REV3L: variants seen among roughly 807,000 people sequenced by gnomAD.
REV3L encodes DNA polymerase zeta catalytic subunit.
A neutral mutation model predicts 299.4 loss-of-function variants in REV3L; 69 were observed. That is an observed-to-expected ratio of 0.23 (90% CI 0.19 to 0.28). The LOEUF (loss-of-function observed/expected upper bound fraction) is 0.28, where lower values mean the gene tolerates loss of function less well. Among genes scored for constraint, REV3L ranks in the 10% least tolerant of loss-of-function variants. The probability of loss-of-function intolerance (pLI) is 1.00; values close to 1 mark genes in which losing one functional copy is unlikely to be tolerated. For missense variants in REV3L, 3,128 were observed against 3,693.8 expected (o/e 0.85, Z 3.97); for synonymous variants, 1,238 against 1,271.4 (o/e 0.97, Z 0.56).
intron 1 of REV3L, among the ~76,000 whole-genome samples, chr6:111,462,801 A>T (rs984190638): frequency 1.3e-5 from 2 of 152,192 alleles, no homozygotes; most frequent in Non-Finnish European, 2.9e-5. Flanking sequence ...ACGAATAAAT[A>T]GTAAATATAG....
At chr6:111,439,374 G>A (rs949630246) in intron 1 of REV3L, among the ~76,000 whole-genome samples, 3 of 152,204 alleles carry the variant, frequency 2.0e-5, no homozygotes, top group Non-Finnish European at 4.4e-5. Flanking sequence ...GTGCAAGGGG[G>A]ACAAGAGGCT....
chr6:111,322,766 A>C (rs1774326524), intron 25 of REV3L, 88 bp from the exon 26 acceptor site: 1 of 882,732 alleles, frequency 1.1e-6, no homozygotes, highest in Non-Finnish European at 1.8e-6. Flanking sequence ...TTAATTACTA[A>C]ATATTTCCAG....
At chr6:111,377,558 A>G in intron 12 of REV3L, 143 bp downstream of exon 12, 1 of 823,020 alleles carries the variant, frequency 1.2e-6, no homozygotes. Context: ...GCTGGTCTCG[A>G]ACTCCTGAAT....
rs756882111 is a variant in REV3L at position 111,374,008 on chromosome 6, T to C, written c.4347A>G (p.Ser1449=). ...SETCSPGNTA[S]EESQMPNNCF... ...AATTATTAGGCATTTGGCTTTCCTCTGAAGCTGTATTTCCCGGAGAACAAG... is the reference window on the plus strand; with the variant it reads ...AATTATTAGGCATTTGGCTTTCCTCCGAAGCTGTATTTCCCGGAGAACAAG... Residue 1449 remains serine (S), a synonymous_variant, in exon 13 of 32, where the codon TCA becomes TCG. Coordinates refer to ENST00000368802, the MANE Select transcript of REV3L (RefSeq NM_001372078.1). 6.2e-7 allele frequency: 1 copy of C among 1,614,076 alleles called. No homozygotes were observed. Among genetic ancestry groups the C allele is most frequent in the East Asian group, 2.2e-5 (1 of 44,890 alleles).
At chr6:111,393,700 TTTTA>T (rs200426891) in intron 4 of REV3L, among the ~76,000 whole-genome samples, 4,321 of 152,116 alleles carry the variant, frequency 0.028, 72 homozygotes, top group South Asian at 0.078. Context: ...CCTTTCTTCT[TTTTA>T]TTTATTTTTT....
chr6:111,372,147 G>C (rs1312568887), intron 13 of REV3L, among the ~76,000 whole-genome samples: 1 of 152,138 alleles, frequency 6.6e-6, no homozygotes, highest in Non-Finnish European at 1.5e-5. Context: ...TCTTCACTTA[G>C]AGATATATCA....
chr6:111,431,224 A>C, intron 1 of REV3L: 1 of 1,560,158 alleles, frequency 6.4e-7, no homozygotes, highest in Non-Finnish European at 8.8e-7. Flanking sequence ...GGATGTTTTA[A>C]CAAAAGGAGG....
At position 111,364,559 on chromosome 6, in the gene REV3L, T is replaced by A. The variant is rs1013450103; in HGVS notation, c.6754-581A>T. Among the ~76,000 whole-genome samples, 7 of 152,170 alleles carry A rather than the reference T, an allele frequency of 4.6e-5. No homozygotes were observed. The East Asian group carries it at 7.7e-4, about 17-fold the overall frequency. On this transcript the variant is annotated intron_variant, in intron 15 of 31. Transcript: ENST00000368802. Reference sequence around the variant, plus strand: ...CACAACACACTGATATAGTATTTTTTAATATATATAGCTTGTAATTCAACA... The same window carrying A: ...CACAACACACTGATATAGTATTTTTAAATATATATAGCTTGTAATTCAACA...
chr6:111,470,853 G>C (rs1247668038), intron 1 of REV3L, among the ~76,000 whole-genome samples: 2 of 152,010 alleles, frequency 1.3e-5, no homozygotes, highest in East Asian at 3.9e-4. Context: ...GGTGGCACGT[G>C]GCTGTAATTC....
intron 31 of REV3L, among the ~76,000 whole-genome samples, chr6:111,303,558 G>T (rs1023481284): frequency 6.6e-6 from 1 of 150,914 alleles, no homozygotes; most frequent in South Asian, 2.1e-4. Context: ...GTAGAGATGG[G>T]GTTTTGCCAT....
intron 17 of REV3L, among the ~76,000 whole-genome samples, chr6:111,357,834 T>C (rs558169469): frequency 6.6e-6 from 1 of 152,266 alleles, no homozygotes; most frequent in Admixed American, 6.5e-5. Flanking sequence ...CCACCACTTC[T>C]GCAGGAAAAA....
At chr6:111,353,859 G>C (rs1582649184) in intron 18 of REV3L, 1 of 152,324 alleles carries the variant, frequency 6.6e-6, no homozygotes, top group East Asian at 1.9e-4. Flanking sequence ...TTAGTCCAAA[G>C]ACAGACTATC....
intron 13 of REV3L, 75 bp downstream of exon 13, chr6:111,372,521 T>G (rs763463748): frequency 5.9e-6 from 7 of 1,178,004 alleles, no homozygotes; most frequent in African/African-American, 1.6e-5. Flanking sequence ...ACATTCTTTT[T>G]TTTTCAATCC....
At chr6:111,362,681 G>A (rs1056485536) in intron 16 of REV3L, among the ~76,000 whole-genome samples, 3 of 152,028 alleles carry the variant, frequency 2.0e-5, no homozygotes, top group African/African-American at 4.8e-5. Flanking sequence ...TTTCCATGAA[G>A]TCTTTGAAAT....
intron 1 of REV3L, among the ~76,000 whole-genome samples, chr6:111,424,434 T>G (rs1489641959): frequency 6.6e-6 from 1 of 152,174 alleles, no homozygotes; most frequent in South Asian, 2.1e-4. Flanking sequence ...CAAAAGCAAC[T>G]TTTTCAGAAC....
rs1041808839 is a variant in REV3L, at chr6:111,445,048, A to G, written c.140-28576T>C. On this transcript the variant is annotated intron_variant, in intron 1 of 31. Transcript: ENST00000368802. ...CGTTTTCAAGAATCAACTACAGATAATAAGACGGCAACAGGAGAGAAATAT... is the reference window on the plus strand; with the variant it reads ...CGTTTTCAAGAATCAACTACAGATAGTAAGACGGCAACAGGAGAGAAATAT... Among the ~76,000 whole-genome samples, 53 of 152,372 alleles carry G rather than the reference A, an allele frequency of 3.5e-4. 1 individual carries two copies. Among genetic ancestry groups the G allele is most frequent in the African/African-American group, 1.3e-3 (52 of 41,598 alleles).
chr6:111,466,535 A>C (rs1791537716), intron 1 of REV3L, among the ~76,000 whole-genome samples: 1 of 152,158 alleles, frequency 6.6e-6, no homozygotes, highest in Non-Finnish European at 1.5e-5. Context: ...CACATTACAA[A>C]CTCGGAAATG....
Position 111,390,196 on chromosome 6 carries a change from AT to A in REV3L, c.663-17del, listed in dbSNP as rs1412429795. 6 of 1,438,148 alleles carry A rather than the reference AT, an allele frequency of 4.2e-6. No individual in the cohort carries two copies. In the Admixed American group the frequency reaches 8.5e-5, roughly 20 times the overall value. 89.1% of individuals were successfully genotyped at this position (1,438,148 alleles called of 1,614,324 possible). ...TATTAAAGAGCTGCAATTAAAGGATATAAAAAACATAATAATTATGTGAGAG... is the reference window on the plus strand; with the variant it reads ...TATTAAAGAGCTGCAATTAAAGGATAAAAAAACATAATAATTATGTGAGAG... On this transcript the variant is annotated splice_polypyrimidine_tract_variant and intron_variant, in intron 5 of 31. Transcript: ENST00000368802.
intron 1 of REV3L, among the ~76,000 whole-genome samples, chr6:111,428,040 A>G (rs1389605837): frequency 6.6e-6 from 1 of 152,178 alleles, no homozygotes; most frequent in Non-Finnish European, 1.5e-5. Context: ...AAAAGAAAGA[A>G]AATTAACAGG....
Sources: gnomAD v4.1 joint callset for allele counts (sites outside exome capture counted in the v4.1 genomes callset) on GRCh38, gnomAD v4.1.1 for gene constraint, MANE v1.5 for transcripts, NCBI Gene and HGNC (gene_info 2026-07-23, HGNC 2026-07-21) for gene names.